Variants in EPG5 observed in about 807,000 individuals in gnomAD.
The protein encoded by EPG5 is ectopic P-granules 5 autophagy tethering factor, also known as ectopic P granules protein 5 homolog.
EPG5 carries 159 observed loss-of-function variants against 302.7 expected under a neutral mutation model. The observed-to-expected ratio is 0.53, with a 90% CI of 0.46 to 0.60. The LOEUF is 0.60. Among genes scored for constraint, EPG5 ranks in the 20% least tolerant of loss-of-function variants. The pLI, the probability that EPG5 is intolerant of heterozygous loss-of-function variation, is 0.00. For synonymous variants in EPG5, 1,158 were observed against 1,136.8 expected, an observed-to-expected ratio of 1.02 and a Z score of -0.37; for missense variants, 2,896 against 3,092.4, an observed-to-expected ratio of 0.94 and a Z score of 1.51.
chr18:45,865,451 C>G (rs540896080), intron 39 of EPG5, among the ~76,000 whole-genome samples, 164 bp downstream of exon 39: 1 of 152,216 alleles, frequency 6.6e-6, no homozygotes, highest in Non-Finnish European at 1.5e-5. Context: ...CAGTGTCAAT[C>G]CTTCCCCACT....
Position 45,922,338 on chromosome 18 carries a change from T to G in EPG5, c.3098+3A>C. On this transcript the variant is annotated splice_donor_region_variant and intron_variant, in intron 16 of 43. Transcript: ENST00000282041. ...ACCCTAGTGGTTCAGCCCAACACTG[T>G]ACCTGTGGCCCACAGCTGTCATAGA... The G allele has an allele frequency of 1.2e-6, 2 of 1,614,160 alleles. No individual in the cohort carries two copies. Among genetic ancestry groups the G allele is most frequent in the Non-Finnish European group, 1.7e-6 (2 of 1,180,004 alleles).
intron 33 of EPG5, 49 bp from the exon 34 acceptor site, chr18:45,878,497 A>G (rs1293477308): frequency 8.6e-7 from 1 of 1,169,044 alleles, no homozygotes; most frequent in Non-Finnish European, 1.3e-6. Context: ...TCATTTGTCA[A>G]TATCACTGCT....
the EPG5 span, chr18:45,842,517 C>CCTAG: frequency 7.1e-6 from 2 of 283,540 alleles, no homozygotes; most frequent in African/African-American, 4.3e-5. Context: ...CCCTTTCTTA[C>CCTAG]CTAGAACACC....
intron 38 of EPG5, 62 bp downstream of exon 38, chr18:45,866,736 C>T: frequency 7.6e-7 from 1 of 1,307,672 alleles, no homozygotes; most frequent in Non-Finnish European, 1.1e-6. Flanking sequence ...TCCTTTGTAG[C>T]ACTTATGCTG....
the EPG5 span, among the ~76,000 whole-genome samples, chr18:45,805,423 T>TAAA: frequency 3.8e-5 from 5 of 132,494 alleles, no homozygotes; most frequent in Middle Eastern, 4.0e-3. Flanking sequence ...AGAGCTTCTG[T>TAAA]AAAAAAAAAA....
intron 1 of EPG5, among the ~76,000 whole-genome samples, chr18:45,966,488 A>G (rs2051267067): frequency 6.6e-6 from 1 of 152,298 alleles, no homozygotes; most frequent in East Asian, 1.9e-4. Flanking sequence ...ATGTACTATA[A>G]TAAAATGAAA....
chr18:45,801,660 C>T, the EPG5 span, among the ~76,000 whole-genome samples: 1 of 152,192 alleles, frequency 6.6e-6, no homozygotes, highest in Non-Finnish European at 1.5e-5. Context: ...CCCTTCCATT[C>T]CTTTCCCAGT....
At chr18:45,838,806 CG>C in the EPG5 span, 1 of 1,558,830 alleles carries the variant, frequency 6.4e-7, no homozygotes. Context: ...AGCCGCCGCC[CG>C]CCCTCGCCTG....
Position 45,912,272 on chromosome 18 carries a change from C to A in EPG5, c.3983+18G>T, listed in dbSNP as rs369724401. ...GCAGAAATGGACTCACAGAAACCTACAATACTGGGCAGCATACCCATACTG... is the reference window on the plus strand; with the variant it reads ...GCAGAAATGGACTCACAGAAACCTAAAATACTGGGCAGCATACCCATACTG... On this transcript the variant is annotated intron_variant, in intron 22 of 43. Coordinates refer to ENST00000282041, the MANE Select transcript of EPG5 (RefSeq NM_020964.3). 3 of 1,551,534 alleles carry A rather than the reference C, an allele frequency of 1.9e-6. No homozygotes were observed. In the South Asian group the frequency reaches 3.7e-5, roughly 19 times the overall value.
rs140297677 is a variant in EPG5 at position 45,857,993 on chromosome 18, C to T, written c.7302G>A (p.Gln2434=). 77 of 1,613,894 alleles carry T rather than the reference C, an allele frequency of 4.8e-5. No homozygotes were observed. Among genetic ancestry groups the T allele is most frequent in the Middle Eastern group, 3.5e-4 (2 of 5,796 alleles). The change falls in exon 42 of 44, where the codon CAG becomes CAA. Residue 2434 remains glutamine, a synonymous_variant. Coordinates refer to ENST00000282041, the MANE Select transcript of EPG5 (RefSeq NM_020964.3). The part of the protein sequence containing the change: ...VLQLSLIQTE[Q]NDSVLTESVI... The stretch of plus-strand genomic sequence containing the variant: ...CAGATTCTGTCAGGACGGAGTCATT[C>T]TGCTCTGTCTGAATGAGGGAGAGCT...
chr18:45,917,893 G>A (rs2050068563), intron 16 of EPG5, 74 bp from the exon 17 acceptor site: 11 of 1,550,158 alleles, frequency 7.1e-6, no homozygotes, highest in East Asian at 2.3e-5. Context: ...AATGAGTTAT[G>A]AGCCTTCAAT....
At chr18:45,902,013 C>T (rs1163637746) in intron 25 of EPG5, among the ~76,000 whole-genome samples, 1 of 152,130 alleles carries the variant, frequency 6.6e-6, no homozygotes, top group Non-Finnish European at 1.5e-5. Context: ...AATGCTGCTA[C>T]CTACCCAATT....
intron 36 of EPG5, 158 bp from the exon 37 acceptor site, chr18:45,867,906 T>A: frequency 1.4e-6 from 1 of 699,706 alleles, no homozygotes; most frequent in Non-Finnish European, 2.6e-6. Flanking sequence ...ACTTAATATT[T>A]GTAATATCTT....
chr18:45,830,588 T>TTTTTA, the EPG5 span, among the ~76,000 whole-genome samples: 1 of 128,886 alleles, frequency 7.8e-6, no homozygotes, highest in Non-Finnish European at 1.7e-5. Flanking sequence ...TCTTTCTTTT[T>TTTTTA]TTTTTTTTTT....
At chr18:45,953,096 C>T (rs1056886748) in intron 2 of EPG5, among the ~76,000 whole-genome samples, 4 of 151,984 alleles carry the variant, frequency 2.6e-5, no homozygotes, top group Admixed American at 1.3e-4. Context: ...TTGCCTGAAC[C>T]CGGGAGGTAG....
Position 45,964,264 on chromosome 18 carries a change from T to C in EPG5, c.63+2913A>G, listed in dbSNP as rs570953183. 4.6e-5 allele frequency among the ~76,000 whole-genome samples: 7 copies of C among 152,322 alleles called. No individual in the cohort carries two copies. The East Asian group carries it at 1.3e-3, about 29-fold the overall frequency. On this transcript the variant is annotated intron_variant, in intron 1 of 43. Transcript: ENST00000282041. ...TAAAGCATCTGTAACATTCTATCTA[T>C]GGAAAGACAAAAGACATACAGATAC...
intron 23 of EPG5, among the ~76,000 whole-genome samples, chr18:45,908,475 C>T (rs1441045752): frequency 2.0e-5 from 3 of 152,102 alleles, no homozygotes; most frequent in Non-Finnish European, 4.4e-5. Flanking sequence ...AAAAATAATA[C>T]ATTCAAATAA....
the EPG5 span, among the ~76,000 whole-genome samples, chr18:45,810,505 G>A: frequency 6.6e-6 from 1 of 152,144 alleles, no homozygotes; most frequent in Non-Finnish European, 1.5e-5. Flanking sequence ...ATATCAAAAA[G>A]ATAATCCGGC....
intron 24 of EPG5, among the ~76,000 whole-genome samples, chr18:45,907,578 T>C (rs553626128): frequency 6.6e-6 from 1 of 152,232 alleles, no homozygotes; most frequent in South Asian, 2.1e-4. Flanking sequence ...ACATCACATA[T>C]GGATCCCTAC....
Sources: allele counts gnomAD v4.1 joint callset (sites outside exome capture counted in the v4.1 genomes callset), GRCh38; gene constraint gnomAD v4.1.1; transcripts MANE v1.5; gene names NCBI Gene and HGNC (gene_info 2026-07-23, HGNC 2026-07-21).